NF1: variants seen among roughly 807,000 people sequenced by gnomAD.
The protein encoded by NF1 is neurofibromin 1, also known as neurofibromin.
NF1 carries 122 observed loss-of-function variants against 325.7 expected under a neutral mutation model. The ratio of observed to expected loss-of-function variants is 0.37; its 90% CI spans 0.32 to 0.44. NF1 has a LOEUF of 0.44. Among genes scored for constraint, NF1 ranks in the 20% least tolerant of loss-of-function variants. The probability of loss-of-function intolerance (pLI) is 1.00; values close to 1 mark genes in which losing one functional copy is unlikely to be tolerated. For missense variants in NF1, 2,140 were observed against 3,415.4 expected (o/e 0.63, Z 9.31); for synonymous variants, 1,091 against 1,186.0 (o/e 0.92, Z 1.65).
intron 57 of NF1, among the ~76,000 whole-genome samples, chr17:31,362,768 T>A (rs2070427847): frequency 1.3e-5 from 2 of 152,244 alleles, no homozygotes; most frequent in Non-Finnish European, 2.9e-5. Flanking sequence ...TGACTTTTTT[T>A]ACCCAGTCTA....
intron 14 of NF1, 65 bp downstream of exon 14, chr17:31,219,183 C>G: frequency 2.0e-6 from 3 of 1,526,874 alleles, no homozygotes; most frequent in East Asian, 2.3e-5. Context: ...TCATGATGTT[C>G]CTTTGGTGTG....
chr17:31,113,751 C>T (rs1167533953), intron 1 of NF1, among the ~76,000 whole-genome samples: 1 of 152,170 alleles, frequency 6.6e-6, no homozygotes, highest in Non-Finnish European at 1.5e-5. Context: ...AAACTCCTGA[C>T]CTTAGGTGAT....
chr17:31,096,891 G>T (rs948613251), intron 1 of NF1, among the ~76,000 whole-genome samples: 3 of 151,964 alleles, frequency 2.0e-5, no homozygotes, highest in Admixed American at 6.6e-5. Flanking sequence ...GCATATAAAA[G>T]ATTACATTAT....
At chr17:31,119,117 A>G (rs961692378) in intron 1 of NF1, among the ~76,000 whole-genome samples, 7 of 151,828 alleles carry the variant, frequency 4.6e-5, no homozygotes, top group African/African-American at 1.7e-4. Flanking sequence ...AATTTTTTGT[A>G]TCTTTAGTAG....
chr17:31,318,440 C>T, intron 36 of NF1: 7 of 1,613,964 alleles, frequency 4.3e-6, no homozygotes, highest in Non-Finnish European at 5.9e-6. Flanking sequence ...GTGTCTGATT[C>T]AGCGGGCCAT....
At chr17:31,120,178 G>A (rs1914309986) in intron 1 of NF1, among the ~76,000 whole-genome samples, 1 of 152,062 alleles carries the variant, frequency 6.6e-6, no homozygotes, top group Admixed American at 6.6e-5. Context: ...GGATAGTATT[G>A]AATCTATAAA....
At chr17:31,126,320 TATTC>T (rs1914887005) in intron 1 of NF1, among the ~76,000 whole-genome samples, 1 of 152,274 alleles carries the variant, frequency 6.6e-6, no homozygotes, top group African/African-American at 2.4e-5. Flanking sequence ...TTGTGTTATT[TATTC>T]TGTGAAATGT....
At chr17:31,349,628 G>A (rs1328571637) in intron 49 of NF1, among the ~76,000 whole-genome samples, 3 of 152,088 alleles carry the variant, frequency 2.0e-5, no homozygotes, top group Non-Finnish European at 2.9e-5. Context: ...CCAAATGGAT[G>A]AGCTATTTTA....
At position 31,324,909 on chromosome 17, in the gene NF1, A is replaced by G. The variant is rs542570147; in HGVS notation, c.4836-911A>G. Among the ~76,000 whole-genome samples the G allele has an allele frequency of 8.5e-5, 13 of 152,280 alleles. No homozygotes were observed. In the South Asian group the frequency reaches 2.7e-3, roughly 32 times the overall value. ...TAACCAACCTCTGAGGTAAAGATTT[A>G]TTTTAACTTACTTAGTAGTATTATC... On this transcript the variant is annotated intron_variant, in intron 36 of 57. Transcript: ENST00000358273.
In NF1 at chr17:31,330,395, C is replaced by T; in HGVS notation, c.5709C>T (p.Asn1903=). The change falls in exon 39 of 58, where the codon AAC becomes AAT. Residue 1903 remains asparagine, a synonymous_variant. Coordinates refer to ENST00000358273, the MANE Select transcript of NF1 (RefSeq NM_001042492.3). ...CATCAGGTTTATGTATCCCTGCCAACAACACCCTCTTTATTGTCTCTATTA... is the reference window on the plus strand; with the variant it reads ...CATCAGGTTTATGTATCCCTGCCAATAACACCCTCTTTATTGTCTCTATTA... ...LETSGLCIPA[N]NTLFIVSISK... 1 of 1,613,838 alleles carries T rather than the reference C, an allele frequency of 6.2e-7. No individual in the cohort carries two copies. The highest frequency in any genetic ancestry group is 8.5e-7 in the Non-Finnish European group (1 of 1,179,766).
At chr17:31,259,796 T>A (rs2067651980) in intron 33 of NF1, among the ~76,000 whole-genome samples, 1 of 152,202 alleles carries the variant, frequency 6.6e-6, no homozygotes. Flanking sequence ...TTTCATGCAG[T>A]GTGAATCTAA....
At position 31,358,633 on chromosome 17, in the gene NF1, G is replaced by A. The variant is rs760053840; in HGVS notation, c.8113+11G>A. 10 of 1,613,918 alleles carry A rather than the reference G, an allele frequency of 6.2e-6. No individual in the cohort carries two copies. In the Admixed American group the frequency reaches 1.7e-4, roughly 27 times the overall value. ...CATCTTACCTGCAAAGTAAATAAAT[G>A]TATCTGGAGAAGGATGGTTGATGAA... On this transcript the variant is annotated intron_variant, in intron 55 of 57. Coordinates refer to ENST00000358273, the MANE Select transcript of NF1 (RefSeq NM_001042492.3).
At chr17:31,221,702 C>T (rs2066923661) in intron 14 of NF1, 148 bp from the exon 15 acceptor site, 1 of 640,318 alleles carries the variant, frequency 1.6e-6, no homozygotes, top group East Asian at 2.8e-5. Context: ...ACCAGAGTTT[C>T]TCTCTTTTTA....
At chr17:31,291,330 A>G (rs1046106156) in intron 36 of NF1, among the ~76,000 whole-genome samples, 12 of 152,124 alleles carry the variant, frequency 7.9e-5, no homozygotes, top group Non-Finnish European at 2.9e-5. Flanking sequence ...CTTCTCATTA[A>G]TATTTTTCAG....
chr17:31,236,191 T>G (rs1326792482), intron 29 of NF1, among the ~76,000 whole-genome samples, 170 bp downstream of exon 29: 1 of 152,194 alleles, frequency 6.6e-6, no homozygotes, highest in Non-Finnish European at 1.5e-5. Flanking sequence ...ATCTGTAATT[T>G]TTTTTTAAGG....
At chr17:31,100,751 T>C (rs1477687646) in intron 1 of NF1, among the ~76,000 whole-genome samples, 1 of 152,074 alleles carries the variant, frequency 6.6e-6, no homozygotes, top group African/African-American at 2.4e-5. Flanking sequence ...GTATTTTTAG[T>C]AGAGACAGGG....
At chr17:31,356,259 G>T (rs2070267860) in intron 51 of NF1, 5 of 519,972 alleles carry the variant, frequency 9.6e-6, no homozygotes, top group Non-Finnish European at 1.4e-5. Context: ...AACCTATCCT[G>T]AAACAGAAAG....
intron 20 of NF1, among the ~76,000 whole-genome samples, chr17:31,228,017 GT>G (rs1176133092): frequency 2.0e-5 from 3 of 152,174 alleles, no homozygotes; most frequent in African/African-American, 7.2e-5. Flanking sequence ...CTTCATCAGG[GT>G]GTTTCACAGA....
Position 31,336,552 on chromosome 17 carries a change from T to C in NF1, c.6147+79T>C. ...GAGGTTTTTTGTTTTGTAATTACTT[T>C]TAAATTAAACTGAACTTTTTTGTGC... On this transcript the variant is annotated intron_variant, in intron 41 of 57. Coordinates refer to ENST00000358273, the MANE Select transcript of NF1 (RefSeq NM_001042492.3). This position sits in a 1 kb window ranked among gnomAD's most constrained non-coding sequence, Gnocchi z 5.5. The C allele has an allele frequency of 6.3e-7, 1 of 1,599,284 alleles. No homozygotes were observed. The highest frequency in any genetic ancestry group is 8.5e-7 in the Non-Finnish European group (1 of 1,171,462).
Sources: gnomAD v4.1 joint callset for allele counts (sites outside exome capture counted in the v4.1 genomes callset) on GRCh38, gnomAD v4.1.1 for gene constraint, Gnocchi (gnomAD v3.1) non-coding constraint, MANE v1.5 for transcripts, NCBI Gene and HGNC (gene_info 2026-07-23, HGNC 2026-07-21) for gene names.